Variants in CHST15 observed in about 807,000 individuals in gnomAD.
CHST15 encodes B cell RAG associated protein (GALNAC4S-6ST).
A neutral mutation model predicts 53.6 loss-of-function variants in CHST15; 30 were observed. The observed-to-expected ratio is 0.56, with a 90% CI of 0.42 to 0.76. The LOEUF (loss-of-function observed/expected upper bound fraction) is 0.76, where lower values mean the gene tolerates loss of function less well. Among genes scored for constraint, CHST15 ranks in the 30% least tolerant of loss-of-function variants. The pLI is 0.00. For synonymous variants in CHST15, 296 were observed against 289.8 expected, an observed-to-expected ratio of 1.02 and a Z score of -0.22; for missense variants, 627 against 740.5, an observed-to-expected ratio of 0.85 and a Z score of 1.78.
chr10:124,059,561 T>C (rs1420904240), intron 1 of CHST15, among the ~76,000 whole-genome samples: 1 of 152,162 alleles, frequency 6.6e-6, no homozygotes, highest in African/African-American at 2.4e-5. Context: ...GTGAAAAGGC[T>C]GCAGGACAGT....
chr10:124,051,337 G>T (rs748701000), intron 1 of CHST15, among the ~76,000 whole-genome samples: 2 of 152,120 alleles, frequency 1.3e-5, no homozygotes, highest in South Asian at 2.1e-4. Flanking sequence ...ATAACTCAGG[G>T]AAGAAAAATC....
intron 6 of CHST15, 75 bp from the exon 7 acceptor site, chr10:124,012,555 T>A: frequency 6.7e-7 from 1 of 1,490,062 alleles, no homozygotes; most frequent in South Asian, 1.3e-5. Flanking sequence ...CAAAGTGGTA[T>A]GGCATTTCAC....
At chr10:124,083,477 T>C (rs149938278) in intron 1 of CHST15, among the ~76,000 whole-genome samples, 1 of 152,360 alleles carries the variant, frequency 6.6e-6, no homozygotes, top group African/African-American at 2.4e-5. Context: ...CTATTGTCGA[T>C]AGGTGAGCAA....
Position 124,008,641 on chromosome 10 carries a change from C to A in CHST15, c.*1508G>T. On this transcript the variant is annotated 3_prime_UTR_variant, in exon 8 of 8. Coordinates refer to ENST00000435907, the MANE Select transcript of CHST15 (RefSeq NM_001270764.2). The stretch of plus-strand genomic sequence containing the variant: ...CAACACCAGCAGAAAGACGGCTGAA[C>A]AACTGCAGATCCTCCTACCCCCGAA... 9.7e-7 allele frequency: 1 copy of A among 1,030,320 alleles called. No individual in the cohort carries two copies. Among genetic ancestry groups the A allele is most frequent in the Non-Finnish European group, 1.2e-6 (1 of 854,450 alleles). 63.8% of individuals were successfully genotyped at this position (1,030,320 alleles called of 1,614,324 possible).
At chr10:124,072,793 C>G (rs1435880842) in intron 1 of CHST15, among the ~76,000 whole-genome samples, 1 of 152,304 alleles carries the variant, frequency 6.6e-6, no homozygotes, top group East Asian at 1.9e-4. Flanking sequence ...TGAAACGTGA[C>G]CACGTGGGCA....
At chr10:124,087,092 C>CA (rs1949454652) in intron 1 of CHST15, among the ~76,000 whole-genome samples, 1 of 152,248 alleles carries the variant, frequency 6.6e-6, no homozygotes, top group Non-Finnish European at 1.5e-5. Flanking sequence ...CAAAAGGGAA[C>CA]ACAGCTGCCC....
At chr10:124,061,757 G>A (rs575265803) in intron 1 of CHST15, among the ~76,000 whole-genome samples, 2 of 152,276 alleles carry the variant, frequency 1.3e-5, no homozygotes, top group South Asian at 4.1e-4. Flanking sequence ...GTGAGTTCAC[G>A]TCCAGTAAGA....
rs191640333 is a variant in CHST15 at position 124,045,513 on chromosome 10, G to A, written c.546+154C>T. Among the ~76,000 whole-genome samples, 59 of 152,296 alleles carry A rather than the reference G, an allele frequency of 3.9e-4. No individual in the cohort carries two copies. The East Asian group carries it at 0.01, about 26-fold the overall frequency. ...CGTAAGCAAACAGCACTCTCTCAGTGCATTCAAATCCATAAGGCTGTCAAA... is the reference window on the plus strand; with the variant it reads ...CGTAAGCAAACAGCACTCTCTCAGTACATTCAAATCCATAAGGCTGTCAAA... On this transcript the variant is annotated intron_variant, in intron 2 of 7. Coordinates refer to ENST00000435907, the MANE Select transcript of CHST15 (RefSeq NM_001270764.2).
chr10:124,020,130 CA>C, intron 6 of CHST15: 1 of 985,582 alleles, frequency 1.0e-6, no homozygotes, highest in Non-Finnish European at 1.2e-6. Context: ...CCCCAGGACC[CA>C]GCGTCATGCA....
intron 1 of CHST15, among the ~76,000 whole-genome samples, chr10:124,057,069 C>T (rs1339139270): frequency 1.3e-5 from 2 of 152,246 alleles, no homozygotes; most frequent in Non-Finnish European, 2.9e-5. Context: ...AAGGAGGGAC[C>T]TTCCCAGCAA....
At chr10:124,070,312 G>A (rs1948874418) in intron 1 of CHST15, among the ~76,000 whole-genome samples, 1 of 152,162 alleles carries the variant, frequency 6.6e-6, no homozygotes, top group African/African-American at 2.4e-5. Flanking sequence ...TCAACATGAA[G>A]GCCATATTTG....
intron 5 of CHST15, 27 bp from the exon 6 acceptor site, chr10:124,021,439 TACC>T (rs780213507): frequency 1.3e-6 from 2 of 1,591,414 alleles, no homozygotes; most frequent in Non-Finnish European, 1.7e-6. Flanking sequence ...TGCATATTTT[TACC>T]ACCCATGAAC....
At chr10:124,090,733 T>C (rs2134272757) in intron 1 of CHST15, among the ~76,000 whole-genome samples, 1 of 152,358 alleles carries the variant, frequency 6.6e-6, no homozygotes, top group East Asian at 1.9e-4. Flanking sequence ...ACGGTGACCG[T>C]GCTGGGTCCC....
chr10:124,056,981 C>T (rs1425657255), intron 1 of CHST15, among the ~76,000 whole-genome samples: 1 of 151,580 alleles, frequency 6.6e-6, no homozygotes, highest in Non-Finnish European at 1.5e-5. Flanking sequence ...TGACCCAGGC[C>T]TGCCTGTATG....
intron 1 of CHST15, among the ~76,000 whole-genome samples, chr10:124,082,699 A>G (rs775131536): frequency 2.0e-5 from 3 of 152,360 alleles, no homozygotes; most frequent in South Asian, 2.1e-4. Flanking sequence ...GATCCATGAA[A>G]CTGTGGTCTA....
At chr10:124,028,231 C>T (rs1421469376) in intron 5 of CHST15, among the ~76,000 whole-genome samples, 1 of 152,212 alleles carries the variant, frequency 6.6e-6, no homozygotes. Flanking sequence ...AGCCGGAACA[C>T]ACTGCGGGAT....
intron 4 of CHST15, among the ~76,000 whole-genome samples, chr10:124,041,102 C>T (rs1278773408): frequency 1.3e-5 from 2 of 152,130 alleles, no homozygotes; most frequent in African/African-American, 4.8e-5. Flanking sequence ...GGAGGTGACT[C>T]CCAGTGACTT....
chr10:124,020,654 G>A (rs1217222841), intron 6 of CHST15: 3 of 992,140 alleles, frequency 3.0e-6, no homozygotes, highest in East Asian at 2.2e-4. Context: ...AAGCCCTGCT[G>A]TTGAAGTACA....
chr10:124,067,996 G>C (rs1334869257), intron 1 of CHST15, among the ~76,000 whole-genome samples: 4 of 152,206 alleles, frequency 2.6e-5, no homozygotes, highest in African/African-American at 9.6e-5. Flanking sequence ...CGGGTGCAAA[G>C]TGAAAATGAT....
Sources: allele counts gnomAD v4.1 joint callset (sites outside exome capture counted in the v4.1 genomes callset), GRCh38; gene constraint gnomAD v4.1.1; transcripts MANE v1.5; gene names NCBI Gene and HGNC (gene_info 2026-07-23, HGNC 2026-07-21).